SNCAIP: variants seen among roughly 807,000 people sequenced by gnomAD.
The protein encoded by SNCAIP is synuclein alpha interacting protein.
Under a neutral mutation model 86.7 loss-of-function variants are expected in SNCAIP, and 43 were observed. That is an observed-to-expected ratio of 0.50 (90% CI 0.39 to 0.64). SNCAIP has a LOEUF of 0.64. Ranked by LOEUF, SNCAIP falls within the 30% of genes least tolerant of loss-of-function variation. The pLI is 0.00. For synonymous variants in SNCAIP, 417 were observed against 427.2 expected, an observed-to-expected ratio of 0.98 and a Z score of 0.29; for missense variants, 981 against 1,103.1, an observed-to-expected ratio of 0.89 and a Z score of 1.57.
chr5:122,367,101 A>G (rs1763339377), intron 1 of SNCAIP, among the ~76,000 whole-genome samples: 1 of 152,060 alleles, frequency 6.6e-6, no homozygotes, highest in African/African-American at 2.4e-5. Context: ...TGGTATTGTC[A>G]AGTAAGGTTA....
At chr5:122,456,005 A>T (rs1270645404) in intron 10 of SNCAIP, among the ~76,000 whole-genome samples, 1 of 152,224 alleles carries the variant, frequency 6.6e-6, no homozygotes, top group Admixed American at 6.5e-5. Context: ...ATGCCAGTGA[A>T]ACATTCATTT....
chr5:122,346,310 C>T (rs531973963), intron 1 of SNCAIP, among the ~76,000 whole-genome samples: 2 of 152,234 alleles, frequency 1.3e-5, no homozygotes, highest in South Asian at 4.1e-4. Flanking sequence ...GCTTACCTTA[C>T]ATGGTTCAGC....
chr5:122,407,328 G>A (rs1773214457), intron 3 of SNCAIP, among the ~76,000 whole-genome samples: 1 of 152,182 alleles, frequency 6.6e-6, no homozygotes, highest in Non-Finnish European at 1.5e-5. Flanking sequence ...CCTAAGCCAG[G>A]AATGAGCTTA....
intron 2 of SNCAIP, among the ~76,000 whole-genome samples, chr5:122,400,053 T>C (rs968900312): frequency 6.6e-5 from 10 of 151,942 alleles, no homozygotes; most frequent in African/African-American, 2.4e-4. Context: ...CAGGCAAAGC[T>C]GGAAGAATTA....
At chr5:122,417,989 T>A (rs1028117810) in intron 3 of SNCAIP, among the ~76,000 whole-genome samples, 1 of 152,190 alleles carries the variant, frequency 6.6e-6, no homozygotes, top group African/African-American at 2.4e-5. Context: ...GGAGCAATTA[T>A]TCCCTAGGAG....
At chr5:122,445,045 G>A in intron 8 of SNCAIP, 2 of 407,628 alleles carry the variant, frequency 4.9e-6, no homozygotes, top group Non-Finnish European at 9.2e-6. Flanking sequence ...CAGAGCGCTG[G>A]AAGCACTCAT....
chr5:122,319,492 T>C (rs912590259), intron 1 of SNCAIP, among the ~76,000 whole-genome samples: 1 of 152,220 alleles, frequency 6.6e-6, no homozygotes, highest in African/African-American at 2.4e-5. Flanking sequence ...CTAAACACTT[T>C]GGAAGCCACA....
intron 1 of SNCAIP, among the ~76,000 whole-genome samples, chr5:122,330,022 TAA>T (rs894972263): frequency 2.0e-5 from 3 of 151,736 alleles, no homozygotes; most frequent in Non-Finnish European, 4.4e-5. Context: ...TTTTAAGGAT[TAA>T]ATGAAAAAAC....
At chr5:122,337,627 C>T (rs9327249) in intron 1 of SNCAIP, among the ~76,000 whole-genome samples, 32,307 of 152,152 alleles carry the variant, frequency 0.21, 3,605 homozygotes, top group South Asian at 0.3. Flanking sequence ...CAACCTCTGC[C>T]TCCTGGGTTC....
At chr5:122,408,827 T>C (rs910953567) in intron 3 of SNCAIP, among the ~76,000 whole-genome samples, 1 of 152,228 alleles carries the variant, frequency 6.6e-6, no homozygotes, top group Non-Finnish European at 1.5e-5. Flanking sequence ...GCCAGGCCTC[T>C]GTAAGCAGCA....
intron 7 of SNCAIP, 135 bp downstream of exon 7, chr5:122,440,889 C>G (rs1411426151): frequency 2.4e-6 from 2 of 836,028 alleles, no homozygotes; most frequent in Non-Finnish European, 3.8e-6. Context: ...GGAATTATTG[C>G]TCTATTTGTG....
intron 3 of SNCAIP, among the ~76,000 whole-genome samples, chr5:122,419,770 CTT>C (rs1776021582): frequency 6.6e-6 from 1 of 152,068 alleles, no homozygotes; most frequent in African/African-American, 2.4e-5. Context: ...TAAGTCTAAA[CTT>C]TGTTTCCATG....
chr5:122,328,988 A>G (rs1159731234), intron 1 of SNCAIP, among the ~76,000 whole-genome samples: 2 of 152,088 alleles, frequency 1.3e-5, no homozygotes, highest in Non-Finnish European at 2.9e-5. Context: ...CCGTTACTCA[A>G]GTTGGGGTAA....
chr5:122,361,486 TC>T (rs1299341626), intron 1 of SNCAIP, among the ~76,000 whole-genome samples: 1 of 152,210 alleles, frequency 6.6e-6, no homozygotes, highest in African/African-American at 2.4e-5. Flanking sequence ...CCAGCAAGGT[TC>T]CAAACATGTT....
At chr5:122,430,214 C>T (rs559304639) in intron 5 of SNCAIP, among the ~76,000 whole-genome samples, 4 of 152,152 alleles carry the variant, frequency 2.6e-5, no homozygotes, top group South Asian at 2.1e-4. Flanking sequence ...TCCTATTCTA[C>T]TAATTTAAAT....
chr5:122,442,802 G>T (rs377612155), intron 7 of SNCAIP, among the ~76,000 whole-genome samples: 1 of 152,084 alleles, frequency 6.6e-6, no homozygotes, highest in Non-Finnish European at 1.5e-5. Flanking sequence ...CTTTTAGAGC[G>T]TTCATCACTC....
chr5:122,313,436 G>T (rs1411036021), intron 1 of SNCAIP, among the ~76,000 whole-genome samples: 1 of 152,228 alleles, frequency 6.6e-6, no homozygotes, highest in Non-Finnish European at 1.5e-5. Flanking sequence ...CAGTATGTCA[G>T]TTCTCCAAGG....
intron 1 of SNCAIP, among the ~76,000 whole-genome samples, chr5:122,332,438 G>C (rs1317258339): frequency 6.6e-6 from 1 of 152,212 alleles, no homozygotes; most frequent in African/African-American, 2.4e-5. Flanking sequence ...CATATACCTT[G>C]AAGCATACCT....
chr5:122,419,536 GC>G (rs1775959171), intron 3 of SNCAIP, among the ~76,000 whole-genome samples: 1 of 152,170 alleles, frequency 6.6e-6, no homozygotes, highest in South Asian at 2.1e-4. Context: ...TTAAAAATGA[GC>G]CCATTCAACC....
Sources: gnomAD v4.1 joint callset for allele counts (sites outside exome capture counted in the v4.1 genomes callset) on GRCh38, gnomAD v4.1.1 for gene constraint, MANE v1.5 for transcripts, NCBI Gene and HGNC (gene_info 2026-07-23, HGNC 2026-07-21) for gene names.